FANCM: variants seen among roughly 807,000 people sequenced by gnomAD.
FANCM encodes the protein Fanconi anemia group M protein.
Under a neutral mutation model 199.5 loss-of-function variants are expected in FANCM, and 140 were observed. The ratio of observed to expected loss-of-function variants is 0.70; its 90% CI spans 0.61 to 0.81. The LOEUF (loss-of-function observed/expected upper bound fraction) is 0.81, where lower values mean the gene tolerates loss of function less well. Ranked by LOEUF, FANCM falls within the 30% of genes least tolerant of loss-of-function variation. The probability of loss-of-function intolerance (pLI) is 0.00; values close to 1 mark genes in which losing one functional copy is unlikely to be tolerated. For missense variants in FANCM, 2,410 were observed against 2,421.4 expected (o/e 1.00, Z 0.10); for synonymous variants, 840 against 836.8 (o/e 1.00, Z -0.07).
rs374587255 is a variant in FANCM at position 45,189,219 on chromosome 14, C to G, written c.5197C>G (p.Gln1733Glu). 3 of 1,614,118 alleles carry G rather than the reference C, an allele frequency of 1.9e-6. No individual in the cohort carries two copies. Among genetic ancestry groups the G allele is most frequent in the Admixed American group, 1.7e-5 (1 of 60,012 alleles). The change falls in exon 20 of 23, where the codon CAG becomes GAG. Residue 1733 changes from glutamine to glutamate, a missense_variant. Transcript: ENST00000267430. ...RVNPLAKQSK[Q>E]TSLNLKDTIS... ...TAATCCATTAGCAAAGCAGAGCAAA[C>G]AGACATCGCTGAATTTAAAGGATAC...
At chr14:45,147,102 C>T (rs899006300) in intron 3 of FANCM, among the ~76,000 whole-genome samples, 6 of 152,026 alleles carry the variant, frequency 3.9e-5, no homozygotes, top group Non-Finnish European at 7.4e-5. Flanking sequence ...CATGAATGAA[C>T]TATTAAAAGC....
At chr14:45,152,078 G>A (rs1278628473) in intron 5 of FANCM, among the ~76,000 whole-genome samples, 1 of 150,840 alleles carries the variant, frequency 6.6e-6, no homozygotes, top group Non-Finnish European at 1.5e-5. Flanking sequence ...GCCCAAGCCG[G>A]TGTGCAGTGG....
chr14:45,193,338 A>AT (rs1889878452), intron 20 of FANCM, among the ~76,000 whole-genome samples: 1 of 152,192 alleles, frequency 6.6e-6, no homozygotes, highest in South Asian at 2.1e-4. Flanking sequence ...GCCCAAGACT[A>AT]TGGCTGAACC....
rs750881482 is a variant in FANCM, at chr14:45,181,471, A to G, written c.4264A>G (p.Ile1422Val). 4 of 1,608,520 alleles carry G rather than the reference A, an allele frequency of 2.5e-6. No homozygotes were observed. Among genetic ancestry groups the G allele is most frequent in the South Asian group, 1.1e-5 (1 of 90,776 alleles). Residue 1422 changes from isoleucine (I) to valine (V), a missense_variant, in exon 15 of 23, where the codon ATT becomes GTT. Transcript: ENST00000267430. Reference protein sequence around the residue: ...LTSNESEDDEIFRRKVKRAKG... With the variant: ...LTSNESEDDEVFRRKVKRAKG... ...AAGTAACGAAAGTGAAGATGACGAG[A>G]TTTTCCGAAGAAAAGTTAAAAGAGC...
At chr14:45,149,323 G>T (rs1388355734) in intron 4 of FANCM, among the ~76,000 whole-genome samples, 1 of 151,870 alleles carries the variant, frequency 6.6e-6, no homozygotes, top group Non-Finnish European at 1.5e-5. Context: ...AGCAAAAGTA[G>T]ACAAAGCATA....
intron 11 of FANCM, among the ~76,000 whole-genome samples, chr14:45,167,967 ATAGT>A (rs1390873400): frequency 1.3e-5 from 2 of 152,150 alleles, no homozygotes; most frequent in Non-Finnish European, 2.9e-5. Context: ...ACGGCCCTGT[ATAGT>A]AGAAGACTCT....
intron 8 of FANCM, among the ~76,000 whole-genome samples, chr14:45,157,478 GA>G (rs893861149): frequency 3.3e-5 from 5 of 152,170 alleles, no homozygotes; most frequent in African/African-American, 1.2e-4. Context: ...AGAAGCTGAA[GA>G]AAGAGACTAT....
rs140830935 is a variant in FANCM, at chr14:45,195,910, A to G, written c.5341-262A>G. Among the ~76,000 whole-genome samples the G allele has an allele frequency of 2.9e-3, 436 of 151,838 alleles. 1 individual carries two copies. The highest frequency in any genetic ancestry group is 5.0e-3 in the Non-Finnish European group (340 of 67,906). On this transcript the variant is annotated intron_variant, in intron 20 of 22. Transcript: ENST00000267430. ...AAATTATAATTTTCTTTTTTAACAC[A>G]TTTCCTTTCCTGTTCATTTTTAGAC... is the stretch of plus-strand genomic sequence containing the variant.
At chr14:45,142,264 A>G (rs536852523) in intron 3 of FANCM, among the ~76,000 whole-genome samples, 1 of 149,912 alleles carries the variant, frequency 6.7e-6, no homozygotes. Flanking sequence ...TTGTGTTGTC[A>G]TGGCTTCTTA....
At chr14:45,174,794 A>G (rs916490136) in intron 13 of FANCM, among the ~76,000 whole-genome samples, 1 of 152,162 alleles carries the variant, frequency 6.6e-6, no homozygotes, top group Admixed American at 6.5e-5. Context: ...TTATGTATTC[A>G]TTCAATTTGT....
intron 3 of FANCM, among the ~76,000 whole-genome samples, chr14:45,144,304 T>TCCCCCCCCCC (rs147372341): frequency 6.7e-6 from 1 of 149,588 alleles, no homozygotes; most frequent in Non-Finnish European, 1.5e-5. Flanking sequence ...TAATGTAGTG[T>TCCCCCCCCCC]CCCCTCCACC....
At position 45,189,337 on chromosome 14, in the gene FANCM, G is replaced by A. The variant is rs2139298584; in HGVS notation, c.5315G>A (p.Cys1772Tyr). The A allele has an allele frequency of 1.2e-6, 2 of 1,613,328 alleles. No individual in the cohort carries two copies. Among genetic ancestry groups the A allele is most frequent in the Non-Finnish European group, 1.7e-6 (2 of 1,179,292 alleles). ...PFTTVDSQKDCRKFPVPQKDG... is the reference protein window; with the variant it reads ...PFTTVDSQKDYRKFPVPQKDG... ...ACTACTGTTGATTCACAGAAAGACT[G>A]TAGAAAATTTCCAGTTCCACAGAAG... The change falls in exon 20 of 23, where the codon TGT (cysteine) becomes TAT (tyrosine). Residue 1772 changes from cysteine to tyrosine, a missense_variant. Cys to Tyr is a radical substitution (Grantham distance 194, BLOSUM62 -2). Transcript: ENST00000267430.
chr14:45,137,210 A>G lies in FANCM; in HGVS notation c.650A>G (p.His217Arg), dbSNP rs532404406. The part of the protein sequence containing the change: ...EIKCLVIDEA[H>R]KALGNYAYCQ... ...AAGTGTTTAGTTATTGATGAAGCTCATAAAGCTCTCGGAAACTATGCTTAT... is the reference window on the plus strand; with the variant it reads ...AAGTGTTTAGTTATTGATGAAGCTCGTAAAGCTCTCGGAAACTATGCTTAT... The change falls in exon 2 of 23, where the codon CAT (histidine) becomes CGT (arginine). Residue 217 changes from histidine to arginine, a missense_variant. By Grantham distance (29) the His-to-Arg change is conservative (BLOSUM62 0). Coordinates refer to ENST00000267430, the MANE Select transcript of FANCM (RefSeq NM_020937.4). 5.6e-6 allele frequency: 9 copies of G among 1,613,348 alleles called. No individual in the cohort carries two copies. In the African/African-American group the frequency reaches 1.1e-4, roughly 19 times the overall value.
intron 14 of FANCM, chr14:45,180,965 A>G (rs1367921168): frequency 1.1e-5 from 2 of 175,624 alleles, no homozygotes; most frequent in African/African-American, 4.8e-5. Flanking sequence ...ATGTACACAA[A>G]TACATATGGA....
At position 45,187,852 on chromosome 14, in the gene FANCM, C is replaced by G; in HGVS notation, c.4744C>G (p.His1582Asp). The G allele has an allele frequency of 6.4e-7, 1 of 1,553,056 alleles. No individual in the cohort carries two copies. The highest frequency in any genetic ancestry group is 8.9e-7 in the Non-Finnish European group (1 of 1,124,766). ...GATGAACAATAAGTACAAAATGATTCATAAGACACATAAAAACATAAACAT... is the reference window on the plus strand; with the variant it reads ...GATGAACAATAAGTACAAAATGATTGATAAGACACATAAAAACATAAACAT... The part of the protein sequence containing the change: ...PMMNNKYKMI[H>D]KTHKNINIFS... The change falls in exon 19 of 23, where the codon CAT becomes GAT. Residue 1582 changes from histidine to aspartate, a missense_variant. Coordinates refer to ENST00000267430, the MANE Select transcript of FANCM (RefSeq NM_020937.4).
intron 14 of FANCM, among the ~76,000 whole-genome samples, chr14:45,178,079 A>G (rs1211016952): frequency 6.6e-6 from 1 of 152,212 alleles, no homozygotes; most frequent in East Asian, 1.9e-4. Context: ...TTAAAAGCTG[A>G]ATAAAAAGTA....
intron 14 of FANCM, among the ~76,000 whole-genome samples, chr14:45,177,568 T>C (rs1888793689): frequency 6.6e-6 from 1 of 152,142 alleles, no homozygotes; most frequent in South Asian, 2.1e-4. Context: ...AGTTTTGTAT[T>C]TTTAATAGAG....
Position 45,175,674 on chromosome 14 carries a change from G to A in FANCM, c.2920G>A (p.Asp974Asn), listed in dbSNP as rs753999208. ...AGAGCTTTATATTGTTAGAACAGAT[G>A]ACCAATTTTATAATTGTCACTCATT... is the stretch of plus-strand genomic sequence containing the variant. ...EEELYIVRTDDQFYNCHSLTK... is the reference protein window; with the variant it reads ...EEELYIVRTDNQFYNCHSLTK... Residue 974 changes from aspartate to asparagine, a missense_variant, in exon 14 of 23, where the codon GAC becomes AAC. By Grantham distance (23) the Asp-to-Asn change is conservative. Transcript: ENST00000267430. 6.2e-6 allele frequency: 10 copies of A among 1,613,252 alleles called. No individual in the cohort carries two copies. In the African/African-American group the frequency reaches 8.0e-5, roughly 13 times the overall value.
rs564948011 is a variant in FANCM, at chr14:45,195,445, C to T, written c.5341-727C>T. On this transcript the variant is annotated intron_variant, in intron 20 of 22. Coordinates refer to ENST00000267430, the MANE Select transcript of FANCM (RefSeq NM_020937.4). ...ATGGAGTAGATTTATTTTTTATTTGCGCTTATAATAAACGTTTAACTGTTT... is the reference window on the plus strand; with the variant it reads ...ATGGAGTAGATTTATTTTTTATTTGTGCTTATAATAAACGTTTAACTGTTT... The T allele has an allele frequency of 5.5e-5, 23 of 419,452 alleles. 1 individual carries two copies. Among genetic ancestry groups the T allele is most frequent in the African/African-American group, 2.1e-4 (10 of 48,136 alleles). The allele number at this position is 419,452 out of a possible 1,614,324, so 26.0% of individuals were successfully genotyped here. A position where few individuals can be genotyped will look rare whatever the true frequency, so the allele number is the denominator to read the frequency against.
Sources: allele counts gnomAD v4.1 joint callset (sites outside exome capture counted in the v4.1 genomes callset), GRCh38; gene constraint gnomAD v4.1.1; transcripts MANE v1.5; gene names NCBI Gene and HGNC (gene_info 2026-07-23, HGNC 2026-07-21).